Variants in FAM193B observed in about 807,000 individuals in gnomAD.
The protein encoded by FAM193B is protein FAM193B.
A neutral mutation model predicts 70.7 loss-of-function variants in FAM193B; 27 were observed. The observed-to-expected ratio is 0.38, with a 90% CI of 0.28 to 0.53. The LOEUF (loss-of-function observed/expected upper bound fraction) is 0.53. Among genes scored for constraint, FAM193B ranks in the 20% least tolerant of loss-of-function variants. The pLI is 0.81. For missense variants in FAM193B, 1,022 were observed against 1,072.5 expected (o/e 0.95, Z 0.66); for synonymous variants, 448 against 436.0 (o/e 1.03, Z -0.34).
At chr5:177,549,731 C>T (rs1164191418) in intron 1 of FAM193B, among the ~76,000 whole-genome samples, 1 of 152,164 alleles carries the variant, frequency 6.6e-6, no homozygotes, top group Non-Finnish European at 1.5e-5. Flanking sequence ...GAGCTGGGAT[C>T]GGTTAGTGTC....
chr5:177,534,462 A>G (rs970016337), intron 4 of FAM193B, among the ~76,000 whole-genome samples: 6 of 151,016 alleles, frequency 4.0e-5, no homozygotes, highest in African/African-American at 1.2e-4. Flanking sequence ...ATGCCCAGCT[A>G]ATTTTTTTTT....
chr5:177,531,905 T>A (rs898908886), intron 5 of FAM193B: 16 of 1,200,256 alleles, frequency 1.3e-5, no homozygotes, highest in Non-Finnish European at 1.7e-5. Flanking sequence ...CTTTCATTTC[T>A]TCTATCCTCA....
chr5:177,523,782 C>T (rs1048613488), intron 7 of FAM193B, among the ~76,000 whole-genome samples, 175 bp downstream of exon 7: 4 of 152,252 alleles, frequency 2.6e-5, no homozygotes, highest in African/African-American at 9.6e-5. Flanking sequence ...CCAGTGGCTC[C>T]GTGGGTTTTC....
intron 6 of FAM193B, 37 bp downstream of exon 6, chr5:177,524,148 G>T: frequency 3.1e-6 from 5 of 1,593,804 alleles, no homozygotes; most frequent in Non-Finnish European, 4.3e-6. Context: ...GACTGGCTGG[G>T]GTAGGGGGTC....
rs1764201382 is a variant in FAM193B at position 177,536,594 on chromosome 5, G to A, written c.840C>T (p.Thr280=). The A allele has an allele frequency of 6.5e-7, 1 of 1,548,670 alleles. No homozygotes were observed. Among genetic ancestry groups the A allele is most frequent in the Non-Finnish European group, 8.7e-7 (1 of 1,155,216 alleles). ...GSPPHPHLLP[T]TPAAPFPAQA... is the part of the protein sequence containing the mutation. ...GGGCAGGGAAAGGTGCTGCCGGGGT[G>A]GTGGGCAGCAGGTGTGGGTGGGGTG... The change falls in exon 4 of 9, where the codon ACC becomes ACT. Residue 280 remains threonine, a synonymous_variant. Transcript: ENST00000514747.
chr5:177,547,832 G>C (rs911033530), intron 1 of FAM193B, among the ~76,000 whole-genome samples: 3 of 152,166 alleles, frequency 2.0e-5, no homozygotes, highest in African/African-American at 7.2e-5. Flanking sequence ...GGGAGCTAAG[G>C]GCCTTTGGTG....
At chr5:177,529,284 G>T (rs761983876) in intron 5 of FAM193B, among the ~76,000 whole-genome samples, 7 of 151,704 alleles carry the variant, frequency 4.6e-5, no homozygotes, top group African/African-American at 7.2e-5. Flanking sequence ...GTGGGAGAAG[G>T]GAGCAGAGAG....
intron 5 of FAM193B, among the ~76,000 whole-genome samples, chr5:177,529,111 G>A (rs1763070306): frequency 6.6e-6 from 1 of 152,052 alleles, no homozygotes; most frequent in Admixed American, 6.5e-5. Context: ...GTCTTCAGTG[G>A]ATGTGGAGGA....
At chr5:177,551,843 C>CA (rs1182021670) in intron 1 of FAM193B, among the ~76,000 whole-genome samples, 1 of 152,126 alleles carries the variant, frequency 6.6e-6, no homozygotes. Context: ...AGTTCCTCAC[C>CA]AAAAACACGC....
chr5:177,541,962 C>T (rs1057470110), intron 1 of FAM193B, among the ~76,000 whole-genome samples: 4 of 152,126 alleles, frequency 2.6e-5, no homozygotes, highest in Non-Finnish European at 2.9e-5. Context: ...GGAATAATGA[C>T]GAGGCAAAAA....
intron 3 of FAM193B, 33 bp from the exon 4 acceptor site, chr5:177,536,778 T>C: frequency 6.5e-7 from 1 of 1,540,940 alleles, no homozygotes. Flanking sequence ...GGGGTCAGAA[T>C]GGGAGCCCAG....
At chr5:177,537,638 A>G (rs2127472506) in intron 3 of FAM193B, among the ~76,000 whole-genome samples, 1 of 152,354 alleles carries the variant, frequency 6.6e-6, no homozygotes, top group Admixed American at 6.5e-5. Context: ...ACCAGAGCCA[A>G]TGACAACTTT....
intron 5 of FAM193B, 186 bp from the exon 6 acceptor site, chr5:177,525,391 G>A: frequency 4.2e-6 from 2 of 472,072 alleles, no homozygotes; most frequent in Non-Finnish European, 7.0e-6. Context: ...ACATGTCCTG[G>A]GGGCAGGGGT....
At chr5:177,537,074 G>A (rs1009814839) in intron 3 of FAM193B, among the ~76,000 whole-genome samples, 4 of 152,308 alleles carry the variant, frequency 2.6e-5, no homozygotes, top group African/African-American at 9.6e-5. Flanking sequence ...AGGCCTGGAG[G>A]ATGATCTGCA....
intron 5 of FAM193B, chr5:177,531,263 G>A (rs371776491): frequency 7.9e-7 from 1 of 1,266,980 alleles, no homozygotes; most frequent in Non-Finnish European, 1.0e-6. Context: ...CGGCAGAGCT[G>A]GGCTCTCCCT....
chr5:177,539,693 C>T (rs1054054676), intron 1 of FAM193B, among the ~76,000 whole-genome samples: 2 of 152,238 alleles, frequency 1.3e-5, no homozygotes, highest in Non-Finnish European at 2.9e-5. Flanking sequence ...AAAGCATCAA[C>T]TCAATGGGAA....
chr5:177,525,199 C>T lies in FAM193B; in HGVS notation c.1282G>A (p.Glu428Lys), dbSNP rs1355276726. The T allele has an allele frequency of 2.8e-6, 4 of 1,447,634 alleles. No individual in the cohort carries two copies. Among genetic ancestry groups the T allele is most frequent in the Non-Finnish European group, 3.7e-6 (4 of 1,095,178 alleles). The allele number at this position is 1,447,634 out of a possible 1,614,324, so 89.7% of individuals were successfully genotyped here. A position where few individuals can be genotyped will look rare whatever the true frequency, so the allele number is the denominator to read the frequency against. Residue 428 changes from glutamate (E) to lysine (K), a missense_variant, in exon 6 of 9, where the codon GAG becomes AAG. Physicochemically the swap from Glu to Lys is moderately conservative, Grantham distance 56. Coordinates refer to ENST00000514747, the MANE Select transcript of FAM193B (RefSeq NM_001190946.3). ...GCTTCTGCTGCCAACTGGGCCTTCT[C>T]CTTTTCCTGCCAAGGCAAGAGGCAG... ...CEFFGHNAEKEKAQLAAEALK... is the reference protein window; with the variant it reads ...CEFFGHNAEKKKAQLAAEALK...
In FAM193B at chr5:177,536,619, G is replaced by A; in HGVS notation, c.815C>T (p.Pro272Leu). The A allele has an allele frequency of 3.2e-6, 5 of 1,557,514 alleles. No individual in the cohort carries two copies. The highest frequency in any genetic ancestry group is 4.3e-6 in the Non-Finnish European group (5 of 1,159,262). The change falls in exon 4 of 9, where the codon CCA (proline) becomes CTA (leucine). Residue 272 changes from proline (P) to leucine (L), a missense_variant. Physicochemically the swap from Pro to Leu is moderately conservative, Grantham distance 98. Coordinates refer to ENST00000514747, the MANE Select transcript of FAM193B (RefSeq NM_001190946.3). The part of the protein sequence containing the change: ...IPSHPSSFGS[P>L]PHPHLLPTTP... ...GGTGGGCAGCAGGTGTGGGTGGGGT[G>A]GGGAGCCAAAGGAGCTGGGGTGAGA... is the stretch of plus-strand genomic sequence containing the variant.
rs1175253428 is a variant in FAM193B, at chr5:177,532,168, T to C, written c.1275+275A>G. ...CACGTATACATACTCATCAGAATCATAGCTTTCTCTCTGCCATTTCCTTTC... is the reference window on the plus strand; with the variant it reads ...CACGTATACATACTCATCAGAATCACAGCTTTCTCTCTGCCATTTCCTTTC... On this transcript the variant is annotated intron_variant, in intron 5 of 8. Transcript: ENST00000514747. The surrounding 1 kb of genome is among the most constrained non-coding windows in gnomAD (Gnocchi z 4.9). 21 of 1,456,532 alleles carry C rather than the reference T, an allele frequency of 1.4e-5. No homozygotes were observed. Among genetic ancestry groups the C allele is most frequent in the Non-Finnish European group, 1.8e-5 (20 of 1,097,046 alleles). 90.2% of individuals were successfully genotyped at this position (1,456,532 alleles called of 1,614,324 possible).
Sources: allele counts gnomAD v4.1 joint callset (sites outside exome capture counted in the v4.1 genomes callset), GRCh38; gene constraint gnomAD v4.1.1; non-coding constraint Gnocchi (gnomAD v3.1); transcripts MANE v1.5; gene names NCBI Gene and HGNC (gene_info 2026-07-23, HGNC 2026-07-21).